The following EML5 variants were observed in gnomAD, a reference collection of about 807,000 sequenced individuals.
EML5 encodes echinoderm microtubule-associated protein-like 5.
EML5 carries 120 observed loss-of-function variants against 250.0 expected under a neutral mutation model. The observed-to-expected ratio is 0.48, with a 90% CI of 0.41 to 0.56. The LOEUF is 0.56. Ranked by LOEUF, EML5 falls within the 20% of genes least tolerant of loss-of-function variation. EML5 has a pLI of 0.00. For synonymous variants in EML5, 771 were observed against 806.5 expected (o/e 0.96, Z 0.75); for missense variants, 2,006 against 2,437.6 (o/e 0.82, Z 3.73).
At chr14:88,719,711 A>T (rs1386724541) in intron 8 of EML5, among the ~76,000 whole-genome samples, 1 of 151,992 alleles carries the variant, frequency 6.6e-6, no homozygotes, top group African/African-American at 2.4e-5. Context: ...GGAAGTGAGG[A>T]CAGCAAAATG....
chr14:88,615,709 C>T lies in EML5; in HGVS notation c.*109G>A. ...TTTTGATGATTCTGGGCATTTCTCCCTGTTACAGTCTTGGGTTAGCACCAC... is the reference window on the plus strand; with the variant it reads ...TTTTGATGATTCTGGGCATTTCTCCTTGTTACAGTCTTGGGTTAGCACCAC... On this transcript the variant is annotated 3_prime_UTR_variant, in exon 44 of 44. Transcript: ENST00000554922. 2 of 977,972 alleles carry T rather than the reference C, an allele frequency of 2.0e-6. No homozygotes were observed. Among genetic ancestry groups the T allele is most frequent in the Non-Finnish European group, 1.5e-6 (1 of 652,830 alleles). 60.6% of individuals were successfully genotyped at this position (977,972 alleles called of 1,614,324 possible).
chr14:88,667,488 G>C (rs2092338210), intron 21 of EML5, among the ~76,000 whole-genome samples: 1 of 152,196 alleles, frequency 6.6e-6, no homozygotes, highest in South Asian at 2.1e-4. Context: ...GGTTAGTTCT[G>C]TGATTGTACT....
Position 88,712,352 on chromosome 14 carries a change from C to T in EML5, c.1576G>A (p.Gly526Arg). 1 of 1,612,952 alleles carries T rather than the reference C, an allele frequency of 6.2e-7. No individual in the cohort carries two copies. The highest frequency in any genetic ancestry group is 8.5e-7 in the Non-Finnish European group (1 of 1,179,194). ...ACTAAAACTTGGCCAATATAATTTC[C>T]ATCTACTGAATTTATATCGTTGATA... ...SDINDINSVD[G>R]NYIGQVLVTA... The change falls in exon 10 of 44, where the codon GGA becomes AGA. Residue 526 changes from glycine (G) to arginine (R), a missense_variant. By Grantham distance (125) the Gly-to-Arg change is moderately radical (BLOSUM62 -2). Around this residue, in one of 7 missense-constraint regions of EML5, gnomAD observed 1,375 missense variants for 1,590.3 expected, o/e 0.86. Coordinates refer to ENST00000554922, the MANE Select transcript of EML5 (RefSeq NM_183387.3).
chr14:88,711,867 C>G (rs2093413343), intron 10 of EML5, among the ~76,000 whole-genome samples: 1 of 151,732 alleles, frequency 6.6e-6, no homozygotes, highest in Non-Finnish European at 1.5e-5. Flanking sequence ...GTTGATGGAA[C>G]CCAAGAGGTG....
At chr14:88,644,838 G>C in intron 29 of EML5, 1 of 183,470 alleles carries the variant, frequency 5.5e-6, no homozygotes, top group South Asian at 1.2e-4. Context: ...AGCCTCCCGA[G>C]TAGCTGGGAT....
chr14:88,767,255 A>C (rs574099874), intron 1 of EML5, among the ~76,000 whole-genome samples: 14 of 152,326 alleles, frequency 9.2e-5, no homozygotes, highest in African/African-American at 3.1e-4. Flanking sequence ...TACACACACC[A>C]AAGGGGCAAA....
chr14:88,770,741 C>T (rs1034866111), intron 1 of EML5, among the ~76,000 whole-genome samples: 1 of 152,112 alleles, frequency 6.6e-6, no homozygotes, highest in Non-Finnish European at 1.5e-5. Flanking sequence ...TAGTATATTG[C>T]TGAACATATA....
chr14:88,772,624 G>A (rs1330426798), intron 1 of EML5, among the ~76,000 whole-genome samples: 3 of 151,966 alleles, frequency 2.0e-5, no homozygotes, highest in Non-Finnish European at 2.9e-5. Context: ...GTGGTGGTGC[G>A]TGCCTGTAAT....
At chr14:88,712,203 A>C in intron 10 of EML5, 68 bp downstream of exon 10, 19 of 1,122,320 alleles carry the variant, frequency 1.7e-5, no homozygotes, top group Non-Finnish European at 2.5e-5. Context: ...CTCAAGACTA[A>C]TTTTCTGCAA....
intron 21 of EML5, among the ~76,000 whole-genome samples, chr14:88,674,254 G>A (rs920687971): frequency 6.6e-6 from 1 of 151,998 alleles, no homozygotes; most frequent in South Asian, 2.1e-4. Flanking sequence ...GGGCTAAAAG[G>A]GTGAGACTTC....
chr14:88,642,243 A>C (rs910277859), intron 31 of EML5, among the ~76,000 whole-genome samples: 1 of 152,194 alleles, frequency 6.6e-6, no homozygotes, highest in African/African-American at 2.4e-5. Context: ...AATTGTAATA[A>C]AACAATTCAA....
In EML5 at chr14:88,740,500, T is replaced by C; in HGVS notation, c.598A>G (p.Ile200Val). 3 of 1,613,866 alleles carry C rather than the reference T, an allele frequency of 1.9e-6. No individual in the cohort carries two copies. The highest frequency in any genetic ancestry group is 1.1e-5 in the South Asian group (1 of 91,074). Reference protein sequence around the residue: ...VFGKTGDLQTILCLACARDEL... With the variant: ...VFGKTGDLQTVLCLACARDEL... ...TCCCTTGCACAGGCTAGGCACAGTA[T>C]TGTCTGAAGGTCACCCGTCTTACCA... The change falls in exon 5 of 44, where the codon ATA becomes GTA. Residue 200 changes from isoleucine (I) to valine (V), a missense_variant. Ile to Val is a conservative substitution (Grantham distance 29). This residue lies in a region of EML5 where 1,375 missense variants were observed against 1,590.3 expected (regional missense o/e 0.86). Coordinates refer to ENST00000554922, the MANE Select transcript of EML5 (RefSeq NM_183387.3).
rs193073737 is a variant in EML5, at chr14:88,681,348, C to T, written c.3124+542G>A. ...GGAATTGGCCGGGGGCCGTGGCTCA[C>T]GCCTGTGATCCCACCACTTTGGCAG... On this transcript the variant is annotated intron_variant, in intron 21 of 43. Coordinates refer to ENST00000554922, the MANE Select transcript of EML5 (RefSeq NM_183387.3). 1.1e-4 allele frequency among the ~76,000 whole-genome samples: 16 copies of T among 152,332 alleles called. No homozygotes were observed. In the East Asian group the frequency reaches 1.2e-3, roughly 11 times the overall value.
chr14:88,731,011 T>C (rs1162559159), intron 7 of EML5, among the ~76,000 whole-genome samples: 1 of 152,190 alleles, frequency 6.6e-6, no homozygotes, highest in South Asian at 2.1e-4. Context: ...TGGATTTAAC[T>C]AACCACTTTC....
intron 2 of EML5, among the ~76,000 whole-genome samples, chr14:88,747,601 G>T (rs2094025167): frequency 6.6e-6 from 1 of 152,120 alleles, no homozygotes; most frequent in African/African-American, 2.4e-5. Context: ...TAAGCTTAAT[G>T]TGCGAAATAA....
chr14:88,675,668 T>C (rs546007947), intron 21 of EML5, among the ~76,000 whole-genome samples: 37 of 152,342 alleles, frequency 2.4e-4, no homozygotes, highest in Admixed American at 7.8e-4. Flanking sequence ...TGCAAACTTC[T>C]GCAGCTGGCT....
Position 88,706,357 on chromosome 14 carries a change from T to A in EML5, c.1727A>T (p.Gln576Leu). 6.2e-7 allele frequency: 1 copy of A among 1,610,116 alleles called. No homozygotes were observed. The highest frequency in any genetic ancestry group is 1.1e-5 in the South Asian group (1 of 90,162). Reference protein sequence around the residue: ...VTNVRWSHDYQWVISIGGADH... With the variant: ...VTNVRWSHDYLWVISIGGADH... ...TGCTCCACCAATAGAAATAACCCAC[T>A]GATAATCATGTGACCATCTGACATT... Residue 576 changes from glutamine to leucine, a missense_variant, in exon 11 of 44, where the codon CAG becomes CTG. By Grantham distance (113) the Gln-to-Leu change is moderately radical. Around this residue, in one of 7 missense-constraint regions of EML5, gnomAD observed 1,375 missense variants for 1,590.3 expected, o/e 0.86. Transcript: ENST00000554922.
chr14:88,763,037 A>G (rs913334141), intron 1 of EML5, among the ~76,000 whole-genome samples: 5 of 152,214 alleles, frequency 3.3e-5, no homozygotes, highest in African/African-American at 9.6e-5. Flanking sequence ...ATAGCACTAA[A>G]TGCCCACAGG....
rs201176843 is a variant in EML5 at position 88,644,530 on chromosome 14, G to A, written c.4029-19C>T. 46 of 1,612,540 alleles carry A rather than the reference G, an allele frequency of 2.9e-5. No homozygotes were observed. The East Asian group carries it at 1.0e-3, about 35-fold the overall frequency. On this transcript the variant is annotated intron_variant, in intron 29 of 43. Transcript: ENST00000554922. ...TGGAGGCCTGCAACAGAGAAGTGGG[G>A]AGGAGGAAAGGCATGCAGCACTCAG... is the stretch of plus-strand genomic sequence containing the variant.
Sources: gnomAD v4.1 joint callset for allele counts (sites outside exome capture counted in the v4.1 genomes callset) on GRCh38, gnomAD v4.1.1 for gene constraint, gnomAD v4.1.1 regional missense constraint, MANE v1.5 for transcripts, NCBI Gene and HGNC (gene_info 2026-07-23, HGNC 2026-07-21) for gene names.